The following CASK variants were observed in gnomAD, a reference collection of about 807,000 sequenced individuals.
CASK encodes peripheral plasma membrane protein CASK.
Under a neutral mutation model 82.9 loss-of-function variants are expected in CASK, and 4 were observed. The ratio of observed to expected loss-of-function variants is 0.05; its 90% CI spans 0.02 to 0.11. The LOEUF is 0.11. Among genes scored for constraint, CASK ranks in the 10% least tolerant of loss-of-function variants. CASK has a pLI of 1.00. For synonymous variants in CASK, 259 were observed against 253.5 expected, an observed-to-expected ratio of 1.02 and a Z score of -0.20; for missense variants, 358 against 720.9, an observed-to-expected ratio of 0.50 and a Z score of 5.76.
intron 2 of CASK, among the ~76,000 whole-genome samples, chrX:41,803,265 C>T (rs910330350): frequency 1.8e-5 from 2 of 111,045 alleles, no homozygotes; most frequent in African/African-American, 6.6e-5. Context: ...GTGGGACAGC[C>T]TAGGGATAAA....
At chrX:41,680,021 C>A (rs756798877) in intron 5 of CASK, among the ~76,000 whole-genome samples, 15 of 110,972 alleles carry the variant, frequency 1.4e-4, no homozygotes, top group Non-Finnish European at 2.1e-4. Flanking sequence ...ACCAGCCCGG[C>A]CAACCTTGTC....
intron 16 of CASK, among the ~76,000 whole-genome samples, chrX:41,569,455 G>A (rs186278724): frequency 1.8e-4 from 20 of 111,417 alleles, no homozygotes; most frequent in Non-Finnish European, 3.2e-4. Context: ...TTCTTTATAT[G>A]TATCCTTTAT....
chrX:41,553,744 T>C lies in CASK; in HGVS notation c.2014A>G (p.Ile672Val), dbSNP rs1168108458. 2.5e-6 allele frequency: 3 copies of C among 1,199,476 alleles called. No individual in the cohort carries two copies. Among genetic ancestry groups the C allele is most frequent in the Non-Finnish European group, 3.4e-6 (3 of 884,826 alleles). The change falls in exon 21 of 27, where the codon ATT becomes GTT. Residue 672 changes from isoleucine to valine, a missense_variant. This residue lies in a region of CASK where 19 missense variants were observed against 64.8 expected (regional missense o/e 0.29). Transcript: ENST00000378163. ...CATTCCTGAAGTTCAGGAGAAGGAA[T>C]GAGACCTGCAGTTCCATTTTTGGAG... ...ENSKNGTAGLIPSPELQEWRV... is the reference protein window; with the variant it reads ...ENSKNGTAGLVPSPELQEWRV...
intron 5 of CASK, chrX:41,728,894 G>A (rs2068316325): frequency 8.1e-6 from 1 of 123,218 alleles, no homozygotes; most frequent in Non-Finnish European, 1.9e-5. Flanking sequence ...CATGTTATTG[G>A]GGAGAAGCAA....
chrX:41,636,708 T>C lies in CASK; in HGVS notation c.832-47A>G. 3 of 795,652 alleles carry C rather than the reference T, an allele frequency of 3.8e-6. No individual in the cohort carries two copies. In the South Asian group the frequency reaches 6.5e-5, roughly 17 times the overall value. The allele number at this position is 795,652 out of a possible 1,213,427, so 65.6% of individuals were successfully genotyped here. On this transcript the variant is annotated intron_variant, in intron 8 of 26. Transcript: ENST00000378163. ...GAACATATATAACCGTTTAAAAAAG[T>C]GCAGAAGCTTAATCTAAAACAAATA...
At chrX:41,553,331 T>C (rs939831271) in intron 21 of CASK, among the ~76,000 whole-genome samples, 8 of 111,825 alleles carry the variant, frequency 7.2e-5, no homozygotes, top group Non-Finnish European at 1.3e-4. Flanking sequence ...CATTTTTTGC[T>C]GGTGGTGGGA....
intron 5 of CASK, among the ~76,000 whole-genome samples, chrX:41,693,066 T>A (rs1471350752): frequency 4.5e-5 from 5 of 111,443 alleles, no homozygotes; most frequent in African/African-American, 1.6e-4. Flanking sequence ...AATTCTAACA[T>A]GAGAGAAGAA....
intron 5 of CASK, among the ~76,000 whole-genome samples, chrX:41,688,642 T>C (rs1460882510): frequency 8.9e-6 from 1 of 112,059 alleles, no homozygotes; most frequent in East Asian, 2.8e-4. Context: ...TCAGTGCTTG[T>C]GCTTTGAAAG....
At chrX:41,869,330 A>G (rs907120047) in intron 1 of CASK, among the ~76,000 whole-genome samples, 5 of 111,749 alleles carry the variant, frequency 4.5e-5, no homozygotes, top group Non-Finnish European at 9.4e-5. Context: ...CTGGCCTCGC[A>G]TGGACTTGGA....
chrX:41,749,727 C>G (rs1471283522), intron 3 of CASK, among the ~76,000 whole-genome samples: 1 of 110,598 alleles, frequency 9.0e-6, no homozygotes, highest in African/African-American at 3.3e-5. Context: ...TCCCAGTTGA[C>G]TTTTAAAATC....
At chrX:41,694,242 T>C (rs2147574676) in intron 5 of CASK, among the ~76,000 whole-genome samples, 1 of 112,599 alleles carries the variant, frequency 8.9e-6, no homozygotes, top group Non-Finnish European at 1.9e-5. Flanking sequence ...ATGAGAAAAC[T>C]AAGGCATAGA....
chrX:41,910,810 A>G (rs1284786806), intron 1 of CASK, among the ~76,000 whole-genome samples: 1 of 112,510 alleles, frequency 8.9e-6, no homozygotes, highest in East Asian at 2.8e-4. Context: ...CTGCAATGAT[A>G]ATGAATAGAT....
At chrX:41,527,325 C>T (rs1442883419) in intron 25 of CASK, among the ~76,000 whole-genome samples, 2 of 110,376 alleles carry the variant, frequency 1.8e-5, no homozygotes, top group Non-Finnish European at 3.8e-5. Flanking sequence ...AAAGAGCACG[C>T]TCTAGAAAGA....
At chrX:41,696,129 A>G (rs1314965182) in intron 5 of CASK, 1 of 1,208,198 alleles carries the variant, frequency 8.3e-7, no homozygotes, top group Admixed American at 2.2e-5. Context: ...ACGGAAGGCA[A>G]TAACAACCAA....
intron 5 of CASK, chrX:41,726,990 T>C (rs1440650843): frequency 8.3e-6 from 7 of 847,686 alleles, no homozygotes; most frequent in Non-Finnish European, 9.9e-6. Context: ...AATTCTATTC[T>C]AGCTCCTGTG....
At chrX:41,533,360 A>T (rs2064831590) in intron 24 of CASK, among the ~76,000 whole-genome samples, 1 of 112,482 alleles carries the variant, frequency 8.9e-6, no homozygotes, top group Non-Finnish European at 1.9e-5. Flanking sequence ...AGGAGAATTA[A>T]AAGAACACTT....
rs753638086 is a variant in CASK at position 41,667,365 on chromosome X, ATAC to A, written c.533-1916_533-1914del. On this transcript the variant is annotated intron_variant, in intron 6 of 26. Transcript: ENST00000378163. ...TTCCTAAAAATCCTTGTTTTTGCTG[ATAC>A]TTCTTCTTGACTTTTAGGACTTTGA... Among the ~76,000 whole-genome samples the A allele has an allele frequency of 2.7e-5, 3 of 111,759 alleles. 1 individual carries two copies. In the South Asian group the frequency reaches 1.1e-3, roughly 41 times the overall value.
At chrX:41,815,542 C>T (rs1056820722) in intron 2 of CASK, among the ~76,000 whole-genome samples, 11 of 110,960 alleles carry the variant, frequency 9.9e-5, no homozygotes, top group Non-Finnish European at 2.1e-4. Flanking sequence ...AATATATTAT[C>T]TCAAATGAAA....
intron 3 of CASK, among the ~76,000 whole-genome samples, chrX:41,764,894 T>C (rs1188702548): frequency 1.8e-5 from 2 of 112,493 alleles, no homozygotes; most frequent in African/African-American, 6.5e-5. Flanking sequence ...ATCCTTGCCT[T>C]GTCTTAAAAG....
Sources: allele counts gnomAD v4.1 joint callset (sites outside exome capture counted in the v4.1 genomes callset), GRCh38; gene constraint gnomAD v4.1.1; regional missense constraint gnomAD v4.1.1; transcripts MANE v1.5; gene names NCBI Gene and HGNC (gene_info 2026-07-23, HGNC 2026-07-21).